NBEA: variants seen among roughly 807,000 people sequenced by gnomAD.
The protein encoded by NBEA is lysosomal-trafficking regulator 2.
Under a neutral mutation model 343.4 loss-of-function variants are expected in NBEA, and 44 were observed. The observed-to-expected ratio is 0.13, with a 90% confidence interval of 0.10 to 0.16. The LOEUF (loss-of-function observed/expected upper bound fraction) is 0.16. NBEA is among the 10% of genes least tolerant of loss of function. NBEA has a pLI of 1.00. For missense variants in NBEA, 2,555 were observed against 3,631.3 expected (o/e 0.70, Z 7.62); for synonymous variants, 1,175 against 1,238.7 (o/e 0.95, Z 1.08).
intron 1 of NBEA, among the ~76,000 whole-genome samples, chr13:34,947,519 T>C (rs897724582): frequency 6.6e-6 from 1 of 152,102 alleles, no homozygotes; most frequent in African/African-American, 2.4e-5. Context: ...ATACTGAACA[T>C]ATTGTTATGC....
At chr13:35,122,924 T>G (rs987864064) in intron 16 of NBEA, among the ~76,000 whole-genome samples, 2 of 152,224 alleles carry the variant, frequency 1.3e-5, no homozygotes, top group African/African-American at 4.8e-5. Context: ...TATTGTTTCT[T>G]AGACCTCATT....
At chr13:35,143,781 ACTGCTTGATCCCAGGAGGT>A (rs2068229371) in intron 18 of NBEA, among the ~76,000 whole-genome samples, 1 of 151,964 alleles carries the variant, frequency 6.6e-6, no homozygotes, top group South Asian at 2.1e-4. Context: ...AGGCAGGAGG[ACTGCTTGATCCCAGGAGGT>A]CTGCTAGATC....
At chr13:35,280,015 A>T (rs1423023699) in intron 34 of NBEA, among the ~76,000 whole-genome samples, 2 of 152,144 alleles carry the variant, frequency 1.3e-5, no homozygotes, top group Non-Finnish European at 2.9e-5. Context: ...TCTAATTTTT[A>T]AATTATTTGA....
At chr13:35,578,608 G>T (rs929893966) in intron 45 of NBEA, among the ~76,000 whole-genome samples, 1 of 152,166 alleles carries the variant, frequency 6.6e-6, no homozygotes, top group African/African-American at 2.4e-5. Context: ...AATTAGGTTC[G>T]TATTGAATGC....
chr13:35,179,780 T>C, intron 28 of NBEA: 3 of 984,766 alleles, frequency 3.0e-6, no homozygotes, highest in Non-Finnish European at 3.6e-6. Context: ...GCTTGAGCAA[T>C]GTGTGAATCT....
At chr13:35,280,775 ATT>A (rs564499943) in intron 34 of NBEA, among the ~76,000 whole-genome samples, 2 of 147,038 alleles carry the variant, frequency 1.4e-5, no homozygotes, top group Admixed American at 1.4e-4. Flanking sequence ...TTTTTGACAG[ATT>A]TTTTTTTTTG....
At chr13:35,620,844 C>T (rs2082955300) in intron 48 of NBEA, among the ~76,000 whole-genome samples, 1 of 152,086 alleles carries the variant, frequency 6.6e-6, no homozygotes, top group Non-Finnish European at 1.5e-5. Flanking sequence ...TGGCCATTTT[C>T]CCTCAGGTAT....
intron 41 of NBEA, among the ~76,000 whole-genome samples, chr13:35,515,766 T>G (rs9565352): frequency 0.85 from 128,474 of 150,960 alleles, 54,884 homozygotes; most frequent in Admixed American, 0.88. Context: ...TTTTTTAAAT[T>G]TAAATATATT....
chr13:35,409,885 T>G (rs1406984166), intron 38 of NBEA, among the ~76,000 whole-genome samples: 1 of 152,130 alleles, frequency 6.6e-6, no homozygotes, highest in Non-Finnish European at 1.5e-5. Flanking sequence ...TTTTTTCATG[T>G]CTTTATTTGA....
intron 35 of NBEA, among the ~76,000 whole-genome samples, chr13:35,309,120 T>C (rs1221228481): frequency 1.3e-5 from 2 of 152,076 alleles, no homozygotes; most frequent in East Asian, 1.9e-4. Context: ...AGTTTATATT[T>C]CTAGTATTCA....
chr13:35,023,334 G>C (rs1329789657), intron 1 of NBEA, among the ~76,000 whole-genome samples: 1 of 152,108 alleles, frequency 6.6e-6, no homozygotes, highest in Non-Finnish European at 1.5e-5. Context: ...CTACAGGTCA[G>C]ATGCCTAAGG....
chr13:35,139,241 A>G (rs1466499476), intron 17 of NBEA, among the ~76,000 whole-genome samples: 1 of 150,874 alleles, frequency 6.6e-6, no homozygotes, highest in Non-Finnish European at 1.5e-5. Flanking sequence ...TTGTATTTTT[A>G]GTGTAGATGG....
intron 1 of NBEA, among the ~76,000 whole-genome samples, chr13:34,945,696 G>C (rs920525549): frequency 1.3e-5 from 2 of 152,034 alleles, no homozygotes; most frequent in East Asian, 3.9e-4. Context: ...AAAAAGAGGA[G>C]TTTCTACCTT....
At chr13:35,308,035 G>A (rs966747056) in intron 35 of NBEA, among the ~76,000 whole-genome samples, 1 of 151,904 alleles carries the variant, frequency 6.6e-6, no homozygotes, top group South Asian at 2.1e-4. Flanking sequence ...ACTAGTTGTT[G>A]ATTTTCTCTC....
At chr13:35,250,377 A>T (rs1036378441) in intron 34 of NBEA, among the ~76,000 whole-genome samples, 1 of 152,184 alleles carries the variant, frequency 6.6e-6, no homozygotes, top group Non-Finnish European at 1.5e-5. Flanking sequence ...AAAGAATAAA[A>T]ATCTGTTAAT....
intron 39 of NBEA, among the ~76,000 whole-genome samples, chr13:35,446,945 T>G (rs2152941637): frequency 6.6e-6 from 1 of 152,234 alleles, no homozygotes; most frequent in Non-Finnish European, 1.5e-5. Context: ...ATTATGTGGT[T>G]ATATCTCTTT....
chr13:35,202,783 G>T (rs1318440178), intron 31 of NBEA, among the ~76,000 whole-genome samples: 6 of 151,984 alleles, frequency 3.9e-5, no homozygotes, highest in Non-Finnish European at 7.4e-5. Context: ...ATTGCTATTT[G>T]GATGATTAAA....
At chr13:35,327,050 G>C (rs979524111) in intron 36 of NBEA, among the ~76,000 whole-genome samples, 18 of 152,000 alleles carry the variant, frequency 1.2e-4, no homozygotes, top group African/African-American at 4.3e-4. Context: ...CTAATCATCA[G>C]AAAAATGCAA....
At chr13:34,983,394 G>A (rs1440743200) in intron 1 of NBEA, among the ~76,000 whole-genome samples, 2 of 152,140 alleles carry the variant, frequency 1.3e-5, no homozygotes, top group Non-Finnish European at 2.9e-5. Flanking sequence ...TGGTGTATAT[G>A]TGCCATATTT....
Sources: allele counts gnomAD v4.1 joint callset (sites outside exome capture counted in the v4.1 genomes callset), GRCh38; gene constraint gnomAD v4.1.1; transcripts MANE v1.5; gene names NCBI Gene and HGNC (gene_info 2026-07-23, HGNC 2026-07-21).